NAV2: variants seen among roughly 807,000 people sequenced by gnomAD.
The protein encoded by NAV2 is helicase, APC down-regulated 1.
A neutral mutation model predicts 223.2 loss-of-function variants in NAV2; 54 were observed. That is an observed-to-expected ratio of 0.24 (90% confidence interval 0.19 to 0.30). The LOEUF is 0.30. Among genes scored for constraint, NAV2 ranks in the 10% least tolerant of loss-of-function variants. The probability of loss-of-function intolerance (pLI) is 1.00; values close to 1 mark genes in which losing one functional copy is unlikely to be tolerated. For synonymous variants in NAV2, 1,279 were observed against 1,239.3 expected (o/e 1.03, Z -0.67); for missense variants, 2,806 against 3,147.5 (o/e 0.89, Z 2.60).
intron 1 of NAV2, among the ~76,000 whole-genome samples, chr11:19,609,695 G>A (rs757034053): frequency 2.6e-5 from 4 of 152,140 alleles, no homozygotes; most frequent in South Asian, 2.1e-4. Context: ...CCTTAACTGC[G>A]GAGGGAGGGG....
At chr11:19,920,569 G>A (rs2044194581) in intron 6 of NAV2, among the ~76,000 whole-genome samples, 1 of 152,222 alleles carries the variant, frequency 6.6e-6, no homozygotes, top group African/African-American at 2.4e-5. Context: ...TTACAGGCAT[G>A]AGTCACCGAG....
In NAV2 at chr11:19,931,591, T is replaced by C. The variant is rs1465008922; in HGVS notation, c.932-1585T>C. On this transcript the variant is annotated intron_variant, in intron 6 of 37. Coordinates refer to ENST00000349880, the MANE Select transcript of NAV2 (RefSeq NM_145117.5). ...TTGCTAGAAGGCAGTGGAACATAGG[T>C]ATTTAAAAAAAAAAAAAAGCAGAAG... Among the ~76,000 whole-genome samples, 6 of 39,568 alleles carry C rather than the reference T, an allele frequency of 1.5e-4. No individual in the cohort carries two copies. The South Asian group carries it at 8.1e-3, about 53-fold the overall frequency. The allele number at this position is 39,568 out of a possible 152,430, so 26.0% of individuals were successfully genotyped here.
At chr11:19,985,548 A>AAC (rs71952017) in intron 11 of NAV2, among the ~76,000 whole-genome samples, 7,613 of 43,264 alleles carry the variant, frequency 0.18, 629 homozygotes, top group African/African-American at 0.26. Context: ...TGAGAAAAAA[A>AAC]AGTTTTTTTT....
Position 20,068,437 on chromosome 11 carries a change from G to A in NAV2, c.4983+39G>A, listed in dbSNP as rs763550870. On this transcript the variant is annotated intron_variant, in intron 22 of 37. Coordinates refer to ENST00000349880, the MANE Select transcript of NAV2 (RefSeq NM_145117.5). Reference sequence around the variant, plus strand: ...TAGGGCAGTAGCATCGGGACAGGAAGCACCATCCTTGCCTTCTGAACAGCC... The same window carrying A: ...TAGGGCAGTAGCATCGGGACAGGAAACACCATCCTTGCCTTCTGAACAGCC... The A allele has an allele frequency of 6.1e-6, 9 of 1,482,444 alleles. No homozygotes were observed. In the African/African-American group the frequency reaches 6.9e-5, roughly 11 times the overall value. 91.8% of individuals were successfully genotyped at this position (1,482,444 alleles called of 1,614,324 possible).
intron 1 of NAV2, among the ~76,000 whole-genome samples, chr11:19,403,410 G>T (rs975036121): frequency 6.6e-6 from 1 of 152,158 alleles, no homozygotes; most frequent in African/African-American, 2.4e-5. Flanking sequence ...CTGGGTTCAA[G>T]GTAGGAAGAC....
intron 1 of NAV2, among the ~76,000 whole-genome samples, chr11:19,390,986 A>T (rs1849225531): frequency 6.6e-6 from 1 of 152,150 alleles, no homozygotes; most frequent in African/African-American, 2.4e-5. Context: ...AGCTACTCTA[A>T]TTCATTCCTG....
intron 10 of NAV2, chr11:19,978,649 GGTTTT>G (rs1268236620): frequency 2.2e-5 from 2 of 90,932 alleles, no homozygotes; most frequent in African/African-American, 9.4e-5. Flanking sequence ...GCATCTGAGA[GGTTTT>G]TTTTTTTTTT....
chr11:19,950,474 G>GT (rs1206567126), intron 10 of NAV2, among the ~76,000 whole-genome samples: 4 of 152,198 alleles, frequency 2.6e-5, no homozygotes, highest in African/African-American at 9.7e-5. Flanking sequence ...TCTTGCCAAC[G>GT]TTTTATTGCT....
intron 1 of NAV2, among the ~76,000 whole-genome samples, chr11:19,748,579 T>A (rs2152489876): frequency 6.6e-6 from 1 of 152,364 alleles, no homozygotes. Flanking sequence ...ACCTAATCCC[T>A]GGCGCCTAGC....
chr11:19,976,662 C>G (rs2153437593), intron 10 of NAV2, among the ~76,000 whole-genome samples: 1 of 152,314 alleles, frequency 6.6e-6, no homozygotes, highest in Admixed American at 6.5e-5. Context: ...TGAGTGAGTT[C>G]ACTTCTGCAG....
At chr11:20,010,553 T>C (rs190021413) in intron 11 of NAV2, among the ~76,000 whole-genome samples, 35 of 152,318 alleles carry the variant, frequency 2.3e-4, no homozygotes, top group Non-Finnish European at 4.7e-4. Flanking sequence ...CACGCCTCTC[T>C]GTCTCTTGGA....
intron 1 of NAV2, among the ~76,000 whole-genome samples, chr11:19,407,708 C>T (rs977787067): frequency 5.9e-5 from 9 of 151,816 alleles, no homozygotes; most frequent in Non-Finnish European, 1.0e-4. Context: ...CGCATGCCCC[C>T]CTTCCAACTT....
intron 1 of NAV2, among the ~76,000 whole-genome samples, chr11:19,494,325 T>C (rs190335667): frequency 6.6e-6 from 1 of 152,312 alleles, no homozygotes; most frequent in African/African-American, 2.4e-5. Context: ...GGCTCACAAG[T>C]GACAACACTT....
At chr11:19,890,685 G>A (rs938841127) in intron 5 of NAV2, among the ~76,000 whole-genome samples, 1 of 152,230 alleles carries the variant, frequency 6.6e-6, no homozygotes, top group Non-Finnish European at 1.5e-5. Context: ...TCCATTGGAT[G>A]TGAGTAATCA....
intron 1 of NAV2, among the ~76,000 whole-genome samples, chr11:19,367,179 C>T (rs529681038): frequency 2.0e-5 from 3 of 152,334 alleles, no homozygotes; most frequent in African/African-American, 7.2e-5. Context: ...TCACGGTTCC[C>T]TCTGCCAAGA....
intron 1 of NAV2, among the ~76,000 whole-genome samples, chr11:19,497,359 G>A (rs2042829013): frequency 6.6e-6 from 1 of 152,222 alleles, no homozygotes; most frequent in South Asian, 2.1e-4. Context: ...TCAGTAACGG[G>A]TAGCTCTCTC....
At chr11:19,706,931 A>G (rs774982615) in intron 1 of NAV2, among the ~76,000 whole-genome samples, 7 of 152,250 alleles carry the variant, frequency 4.6e-5, no homozygotes, top group Non-Finnish European at 1.0e-4. Flanking sequence ...CTGGGCTACA[A>G]GCCTGTATAG....
chr11:19,689,543 G>A (rs531995139), intron 1 of NAV2, among the ~76,000 whole-genome samples: 1 of 152,348 alleles, frequency 6.6e-6, no homozygotes, highest in South Asian at 2.1e-4. Context: ...TTCATAATCA[G>A]CCAGCTAAAT....
intron 1 of NAV2, among the ~76,000 whole-genome samples, chr11:19,403,496 C>A (rs1043842617): frequency 3.9e-5 from 6 of 152,174 alleles, no homozygotes; most frequent in Non-Finnish European, 7.3e-5. Context: ...GGAGGAAGAG[C>A]ATTCCATGTA....
Sources: gnomAD v4.1 joint callset for allele counts (sites outside exome capture counted in the v4.1 genomes callset) on GRCh38, gnomAD v4.1.1 for gene constraint, MANE v1.5 for transcripts, NCBI Gene and HGNC (gene_info 2026-07-23, HGNC 2026-07-21) for gene names.